PAPPA2: variants seen among roughly 807,000 people sequenced by gnomAD.
PAPPA2 encodes pappalysin 2, also known as pappalysin-2.
Under a neutral mutation model 176.4 loss-of-function variants are expected in PAPPA2, and 86 were observed. The ratio of observed to expected loss-of-function variants is 0.49; its 90% CI spans 0.41 to 0.58. The LOEUF (loss-of-function observed/expected upper bound fraction) is 0.58, where lower values mean the gene tolerates loss of function less well. Among genes scored for constraint, PAPPA2 ranks in the 20% least tolerant of loss-of-function variants. The pLI is 0.00. For missense variants in PAPPA2, 2,073 were observed against 2,256.9 expected (o/e 0.92, Z 1.65); for synonymous variants, 809 against 852.2 (o/e 0.95, Z 0.88).
chr1:176,627,044 GAGCTT>G (rs1256468678), intron 3 of PAPPA2, among the ~76,000 whole-genome samples: 1 of 151,754 alleles, frequency 6.6e-6, no homozygotes, highest in African/African-American at 2.4e-5. Context: ...TGTATCTGAG[GAGCTT>G]CCTTTATTTC....
chr1:176,829,762 A>G (rs1557898303), intron 21 of PAPPA2, among the ~76,000 whole-genome samples: 1 of 152,176 alleles, frequency 6.6e-6, no homozygotes, highest in Non-Finnish European at 1.5e-5. Context: ...GTACCGCCTC[A>G]TGTTTCAATT....
At chr1:176,641,956 C>T (rs547985401) in intron 3 of PAPPA2, among the ~76,000 whole-genome samples, 27 of 152,002 alleles carry the variant, frequency 1.8e-4, no homozygotes, top group Middle Eastern at 6.8e-3. Flanking sequence ...CACATTTCTC[C>T]TAGAACTGCC....
chr1:176,835,974 C>A (rs1667258234), intron 21 of PAPPA2, among the ~76,000 whole-genome samples: 1 of 151,986 alleles, frequency 6.6e-6, no homozygotes, highest in African/African-American at 2.4e-5. Flanking sequence ...ATATGAAGCC[C>A]AGGATATGTG....
intron 3 of PAPPA2, among the ~76,000 whole-genome samples, chr1:176,622,013 T>C (rs1655627030): frequency 6.6e-6 from 1 of 152,134 alleles, no homozygotes; most frequent in African/African-American, 2.4e-5. Flanking sequence ...TTAGAACACA[T>C]GCAGGAGAAA....
chr1:176,741,285 A>G (rs1000970782), intron 14 of PAPPA2, among the ~76,000 whole-genome samples: 4 of 152,062 alleles, frequency 2.6e-5, no homozygotes, highest in African/African-American at 9.7e-5. Context: ...TTCACTTCCA[A>G]GCTCACTCCT....
chr1:176,742,050 A>C (rs947764420), intron 14 of PAPPA2, among the ~76,000 whole-genome samples: 1 of 152,202 alleles, frequency 6.6e-6, no homozygotes, highest in African/African-American at 2.4e-5. Context: ...AAGTTTTGGC[A>C]AACGGATTCC....
chr1:176,676,715 A>G (rs1342325185), intron 4 of PAPPA2, among the ~76,000 whole-genome samples: 2 of 147,966 alleles, frequency 1.4e-5, no homozygotes, highest in East Asian at 3.9e-4. Context: ...TATATATGTG[A>G]TAAATTGCAT....
rs1651877932 is a variant in PAPPA2, at chr1:176,471,603, C to T, written c.-917+8185C>T. On this transcript the variant is annotated intron_variant, in intron 1 of 22. Coordinates refer to ENST00000367662, the MANE Select transcript of PAPPA2 (RefSeq NM_020318.3). ...CCCAGTTGCAATTTCTGCCTCCCTC[C>T]CCATGAAAGTAATATACTGACTTCC... Among the ~76,000 whole-genome samples the T allele has an allele frequency of 2.0e-5, 3 of 152,170 alleles. No homozygotes were observed. The South Asian group carries it at 6.2e-4, about 32-fold the overall frequency.
Position 176,692,261 on chromosome 1 carries a change from C to T in PAPPA2, c.2567C>T (p.Thr856Ile), listed in dbSNP as rs1394971242. 1.3e-5 allele frequency: 21 copies of T among 1,613,900 alleles called. No homozygotes were observed. Among genetic ancestry groups the T allele is most frequent in the Non-Finnish European group, 2.5e-6 (3 of 1,179,916 alleles). Residue 856 changes from threonine to isoleucine, a missense_variant, in exon 6 of 23, where the codon ACC (threonine) becomes ATC (isoleucine). Physicochemically the swap from Thr to Ile is moderately conservative, Grantham distance 89. Around this residue, in one of 4 missense-constraint regions of PAPPA2, gnomAD observed 1,196 missense variants for 1,330.4 expected, o/e 0.90. Coordinates refer to ENST00000367662, the MANE Select transcript of PAPPA2 (RefSeq NM_020318.3). ...ATTCCACCTATGGTCATCGGACAGA[C>T]CAACAAGTCCCTCACTATCCACTGG... The part of the protein sequence containing the change: ...IPIPPMVIGQ[T>I]NKSLTIHWLP...
Position 176,791,390 on chromosome 1 carries a change from T to C in PAPPA2, c.4928T>C (p.Phe1643Ser). The C allele has an allele frequency of 2.5e-6, 4 of 1,612,270 alleles. No homozygotes were observed. Among genetic ancestry groups the C allele is most frequent in the Non-Finnish European group, 3.4e-6 (4 of 1,178,492 alleles). The change falls in exon 19 of 23, where the codon TTT (phenylalanine) becomes TCT (serine). Residue 1643 changes from phenylalanine to serine, a missense_variant. Coordinates refer to ENST00000367662, the MANE Select transcript of PAPPA2 (RefSeq NM_020318.3). ...CTKEGLWTQE[F>S]KLCENLQGEC... The stretch of plus-strand genomic sequence containing the variant: ...AAAGAGGGCCTGTGGACCCAGGAGT[T>C]TAAGTTGTGTGAGAATCTGCAAGGA...
intron 1 of PAPPA2, among the ~76,000 whole-genome samples, chr1:176,477,485 G>A (rs955565302): frequency 1.3e-5 from 2 of 152,060 alleles, no homozygotes; most frequent in African/African-American, 2.4e-5. Flanking sequence ...AGTGGCTCAC[G>A]CCTGTAATCC....
At chr1:176,648,798 A>C (rs1657551762) in intron 3 of PAPPA2, among the ~76,000 whole-genome samples, 2 of 151,504 alleles carry the variant, frequency 1.3e-5, no homozygotes. Flanking sequence ...GATCCATAGT[A>C]AATTGTCTTT....
chr1:176,714,089 G>A (rs537678337), intron 12 of PAPPA2, among the ~76,000 whole-genome samples: 21 of 152,176 alleles, frequency 1.4e-4, no homozygotes, highest in Admixed American at 2.6e-4. Flanking sequence ...GGTGAGACAA[G>A]AGGAAAGCTT....
In PAPPA2 at chr1:176,623,807, C is replaced by CTTTCTTTCT. The variant is rs746043564; in HGVS notation, c.1991+28214_1991+28215insTCTTTCTTT. 7.3e-3 allele frequency among the ~76,000 whole-genome samples: 360 copies of CTTTCTTTCT among 49,084 alleles called. 2 individuals carry two copies. Among genetic ancestry groups the CTTTCTTTCT allele is most frequent in the East Asian group, 0.011 (17 of 1,494 alleles). 32.2% of individuals were successfully genotyped at this position (49,084 alleles called of 152,430 possible). A position where few individuals can be genotyped will look rare whatever the true frequency, so the allele number is the denominator to read the frequency against. On this transcript the variant is annotated intron_variant, in intron 3 of 22. Coordinates refer to ENST00000367662, the MANE Select transcript of PAPPA2 (RefSeq NM_020318.3). ...TCTTTCTTTCTTTCTTTCTTTCTTT[C>CTTTCTTTCT]TTCTTTCTTTCTTCTCTCTCTCTCT...
intron 3 of PAPPA2, among the ~76,000 whole-genome samples, chr1:176,668,673 T>C (rs921784939): frequency 3.3e-5 from 5 of 152,196 alleles, no homozygotes; most frequent in African/African-American, 1.2e-4. Flanking sequence ...GTGTTTACTC[T>C]CGTTGGTTTA....
intron 14 of PAPPA2, among the ~76,000 whole-genome samples, chr1:176,749,845 A>G (rs1663087154): frequency 6.6e-6 from 1 of 152,184 alleles, no homozygotes; most frequent in African/African-American, 2.4e-5. Context: ...CCATTATGTG[A>G]ATGTACAACC....
At chr1:176,648,721 G>A (rs951340695) in intron 3 of PAPPA2, among the ~76,000 whole-genome samples, 1 of 151,414 alleles carries the variant, frequency 6.6e-6, no homozygotes, top group Non-Finnish European at 1.5e-5. Flanking sequence ...TTATGTTAAT[G>A]TAATGTATCA....
chr1:176,794,643 CT>C lies in PAPPA2; in HGVS notation c.5130+975del. On this transcript the variant is annotated intron_variant, in intron 20 of 22. Transcript: ENST00000367662. ...TGAGAAAGGAACTAATGGCTATTCA[CT>C]GTTCCCTATTGGAACACCTCTGACA... Among the ~76,000 whole-genome samples, 4 of 152,322 alleles carry C rather than the reference CT, an allele frequency of 2.6e-5. No individual in the cohort carries two copies. In the South Asian group the frequency reaches 8.3e-4, roughly 32 times the overall value.
intron 3 of PAPPA2, among the ~76,000 whole-genome samples, chr1:176,623,690 TCTC>T (rs1655795989): frequency 1.4e-5 from 2 of 140,242 alleles, no homozygotes; most frequent in Admixed American, 7.0e-5. Flanking sequence ...TCTTTCTCTC[TCTC>T]TTTCCTTTCT....
Sources: gnomAD v4.1 joint callset for allele counts (sites outside exome capture counted in the v4.1 genomes callset) on GRCh38, gnomAD v4.1.1 for gene constraint, gnomAD v4.1.1 regional missense constraint, MANE v1.5 for transcripts, NCBI Gene and HGNC (gene_info 2026-07-23, HGNC 2026-07-21) for gene names.